The following EPG5 variants were observed in gnomAD, a reference collection of about 807,000 sequenced individuals.
EPG5 encodes the protein ectopic P granules protein 5 homolog.
A neutral mutation model predicts 302.7 loss-of-function variants in EPG5; 159 were observed. The ratio of observed to expected loss-of-function variants is 0.53; its 90% CI spans 0.46 to 0.60. EPG5 has a LOEUF of 0.60. Ranked by LOEUF, EPG5 falls within the 20% of genes least tolerant of loss-of-function variation. The pLI, the probability that EPG5 is intolerant of heterozygous loss-of-function variation, is 0.00. For synonymous variants in EPG5, 1,158 were observed against 1,136.8 expected, an observed-to-expected ratio of 1.02 and a Z score of -0.37; for missense variants, 2,896 against 3,092.4, an observed-to-expected ratio of 0.94 and a Z score of 1.51.
At chr18:45,870,023 T>C (rs1235040137) in intron 36 of EPG5, among the ~76,000 whole-genome samples, 13 of 152,184 alleles carry the variant, frequency 8.5e-5, no homozygotes, top group Admixed American at 7.9e-4. Flanking sequence ...TTTGTAACCA[T>C]TGCTTCTACT....
intron 21 of EPG5, 33 bp from the exon 22 acceptor site, chr18:45,912,489 A>G: frequency 6.4e-7 from 1 of 1,566,588 alleles, no homozygotes. Context: ...AGTAGCCACA[A>G]AATGAACATA....
intron 5 of EPG5, among the ~76,000 whole-genome samples, chr18:45,949,241 C>T (rs189360378): frequency 9.2e-4 from 140 of 152,130 alleles, no homozygotes; most frequent in African/African-American, 1.3e-3. Flanking sequence ...GAATTAAATG[C>T]GACTGAAACT....
At chr18:45,817,341 A>T in the EPG5 span, among the ~76,000 whole-genome samples, 2 of 152,240 alleles carry the variant, frequency 1.3e-5, no homozygotes, top group African/African-American at 4.8e-5. Context: ...GAAAAATTTC[A>T]AAAAAGTTTC....
the EPG5 span, chr18:45,837,808 C>T: frequency 6.6e-7 from 1 of 1,526,426 alleles, no homozygotes; most frequent in Non-Finnish European, 8.7e-7. Context: ...CCCTGGCTGA[C>T]GACCGCCGCT....
chr18:45,961,922 C>A (rs1292317902), intron 1 of EPG5, among the ~76,000 whole-genome samples: 1 of 150,446 alleles, frequency 6.6e-6, no homozygotes, highest in Non-Finnish European at 1.5e-5. Context: ...CTCCTCAACT[C>A]TTCAACCTGT....
chr18:45,960,316 T>C (rs2051121085), intron 1 of EPG5, among the ~76,000 whole-genome samples: 1 of 152,090 alleles, frequency 6.6e-6, no homozygotes. Context: ...CAACCTAGAG[T>C]GCACTGGCTA....
chr18:45,886,371 G>A (rs2049217481), intron 29 of EPG5, among the ~76,000 whole-genome samples: 1 of 152,166 alleles, frequency 6.6e-6, no homozygotes, highest in Non-Finnish European at 1.5e-5. Context: ...GCAATGTCAT[G>A]ATATAGGTCT....
rs561000695 is a variant in EPG5 at position 45,967,302 on chromosome 18, C to T, written c.-63G>A. 6.0e-5 allele frequency: 88 copies of T among 1,469,344 alleles called. 1 individual carries two copies. In the South Asian group the frequency reaches 9.6e-4, roughly 16 times the overall value. 91.0% of individuals were successfully genotyped at this position (1,469,344 alleles called of 1,614,324 possible). A position where few individuals can be genotyped will look rare whatever the true frequency, so the allele number is the denominator to read the frequency against. ...AAACCCCTGCGCTTCAAGCAACCTG[C>T]CCGGTTCTGGCCTCCGGACTGTCAC... On this transcript the variant is annotated 5_prime_UTR_variant, in exon 1 of 44. Coordinates refer to ENST00000282041, the MANE Select transcript of EPG5 (RefSeq NM_020964.3).
intron 10 of EPG5, among the ~76,000 whole-genome samples, chr18:45,935,186 G>A (rs1045652928): frequency 4.6e-5 from 7 of 152,152 alleles, no homozygotes; most frequent in Non-Finnish European, 7.4e-5. Context: ...ATGTGTGCAT[G>A]TGTGTGTGTA....
At chr18:45,861,110 T>C (rs1194753886) in intron 39 of EPG5, among the ~76,000 whole-genome samples, 6 of 152,198 alleles carry the variant, frequency 3.9e-5, no homozygotes, top group South Asian at 2.1e-4. Flanking sequence ...TTTATGTCAA[T>C]AGGAAGGGTA....
intron 27 of EPG5, among the ~76,000 whole-genome samples, chr18:45,897,821 C>T (rs1240443056): frequency 6.6e-6 from 1 of 151,982 alleles, no homozygotes; most frequent in Admixed American, 6.5e-5. Context: ...AAAAGAGTCT[C>T]CCAAGGAAAT....
At chr18:45,927,194 G>A (rs1045786345) in intron 13 of EPG5, among the ~76,000 whole-genome samples, 4 of 151,692 alleles carry the variant, frequency 2.6e-5, no homozygotes, top group South Asian at 2.1e-4. Flanking sequence ...CACCACACCC[G>A]GCTAATTTGT....
chr18:45,904,156 G>A, intron 24 of EPG5, 39 bp from the exon 25 acceptor site: 1 of 1,592,068 alleles, frequency 6.3e-7, no homozygotes. Context: ...TGACAGACAA[G>A]TCATAGATTC....
At chr18:45,810,256 C>T in the EPG5 span, among the ~76,000 whole-genome samples, 626 of 152,152 alleles carry the variant, frequency 4.1e-3, 1 homozygote, top group Non-Finnish European at 6.6e-3. Context: ...CAGGACCAGA[C>T]GGATTCACAG....
At chr18:45,819,297 A>G in the EPG5 span, among the ~76,000 whole-genome samples, 1 of 152,238 alleles carries the variant, frequency 6.6e-6, no homozygotes, top group African/African-American at 2.4e-5. Context: ...ACCAATTATT[A>G]AATAATCCAC....
At chr18:45,832,964 G>A in the EPG5 span, among the ~76,000 whole-genome samples, 1 of 152,094 alleles carries the variant, frequency 6.6e-6, no homozygotes, top group African/African-American at 2.4e-5. Flanking sequence ...AGGTAAACAG[G>A]AAGCACAAAT....
Position 45,942,361 on chromosome 18 carries a change from G to T in EPG5, c.1943+800C>A, listed in dbSNP as rs538536568. ...CTCACACCTGTAATCCCAGCACTTT[G>T]GGAAGCCGAGGCAGATGGATCACTT... On this transcript the variant is annotated intron_variant, in intron 9 of 43. Coordinates refer to ENST00000282041, the MANE Select transcript of EPG5 (RefSeq NM_020964.3). Among the ~76,000 whole-genome samples the T allele has an allele frequency of 3.3e-5, 5 of 152,266 alleles. No homozygotes were observed. The South Asian group carries it at 6.2e-4, about 19-fold the overall frequency.
chr18:45,832,947 A>G, the EPG5 span, among the ~76,000 whole-genome samples: 1 of 152,080 alleles, frequency 6.6e-6, no homozygotes, highest in African/African-American at 2.4e-5. Context: ...TTTGAATCCC[A>G]TTCAGCAGGT....
intron 10 of EPG5, among the ~76,000 whole-genome samples, chr18:45,938,146 GGTATAA>G (rs1432151475): frequency 3.3e-5 from 5 of 152,050 alleles, no homozygotes; most frequent in Non-Finnish European, 4.4e-5. Context: ...CCAAATTTAT[GGTATAA>G]GTATAACAGG....
Sources: gnomAD v4.1 joint callset for allele counts (sites outside exome capture counted in the v4.1 genomes callset) on GRCh38, gnomAD v4.1.1 for gene constraint, MANE v1.5 for transcripts, NCBI Gene and HGNC (gene_info 2026-07-23, HGNC 2026-07-21) for gene names.